The following TAFA1 variants were observed in gnomAD, a reference collection of about 807,000 sequenced individuals.
TAFA1 encodes the protein chemokine-like protein TAFA-1.
Under a neutral mutation model 18.5 loss-of-function variants are expected in TAFA1, and 4 were observed. That is an observed-to-expected ratio of 0.22 (90% CI 0.11 to 0.49). The LOEUF (loss-of-function observed/expected upper bound fraction) is 0.49, where lower values mean the gene tolerates loss of function less well. TAFA1 is among the 20% of genes least tolerant of loss of function. The pLI is 0.98. For missense variants in TAFA1, 147 were observed against 169.0 expected (o/e 0.87, Z 0.72); for synonymous variants, 56 against 55.2 (o/e 1.01, Z -0.06).
At chr3:68,479,241 A>ATATATAT (rs1553695290) in intron 3 of TAFA1, among the ~76,000 whole-genome samples, 57 of 123,660 alleles carry the variant, frequency 4.6e-4, no homozygotes, top group Middle Eastern at 4.0e-3. Flanking sequence ...AAAAAAAAAA[A>ATATATAT]ATATATATAT....
At chr3:68,516,856 C>T (rs2072928189) in intron 3 of TAFA1, among the ~76,000 whole-genome samples, 1 of 152,140 alleles carries the variant, frequency 6.6e-6, no homozygotes, top group Non-Finnish European at 1.5e-5. Flanking sequence ...TCTCTGCAAC[C>T]TCCACGTCCT....
intron 2 of TAFA1, among the ~76,000 whole-genome samples, chr3:68,412,864 T>C (rs1575844601): frequency 6.6e-6 from 1 of 152,060 alleles, no homozygotes; most frequent in African/African-American, 2.4e-5. Flanking sequence ...TATAGCAGCA[T>C]GATTTATAGT....
intron 2 of TAFA1, among the ~76,000 whole-genome samples, chr3:68,076,742 A>G (rs1260209192): frequency 6.6e-6 from 1 of 152,254 alleles, no homozygotes; most frequent in African/African-American, 2.4e-5. Flanking sequence ...AGTCTTTGCT[A>G]TTGTGAATAA....
intron 2 of TAFA1, among the ~76,000 whole-genome samples, chr3:68,269,191 C>A (rs746525944): frequency 2.0e-5 from 3 of 152,168 alleles, no homozygotes; most frequent in Non-Finnish European, 4.4e-5. Context: ...CATTGGCTCA[C>A]TCCTGTAATC....
intron 2 of TAFA1, among the ~76,000 whole-genome samples, chr3:68,255,574 A>G (rs1442728115): frequency 2.0e-5 from 3 of 152,104 alleles, no homozygotes; most frequent in African/African-American, 4.8e-5. Flanking sequence ...TGTTGTCTCT[A>G]TGTCCGTTCA....
intron 2 of TAFA1, among the ~76,000 whole-genome samples, chr3:68,410,461 C>A (rs1347540363): frequency 6.6e-6 from 1 of 151,848 alleles, no homozygotes; most frequent in Non-Finnish European, 1.5e-5. Flanking sequence ...ACAATGGGAT[C>A]CCTTATAATG....
rs148172036 is a variant in TAFA1, at chr3:68,512,825, A to G, written c.260-25931A>G. On this transcript the variant is annotated intron_variant, in intron 3 of 4. Coordinates refer to ENST00000478136, the MANE Select transcript of TAFA1 (RefSeq NM_213609.4). Reference sequence around the variant, plus strand: ...GGTGTCAGAACTCATGATCTTGATTACGTTGTTACATGAACTATTAATTTA... The same window carrying G: ...GGTGTCAGAACTCATGATCTTGATTGCGTTGTTACATGAACTATTAATTTA... Among the ~76,000 whole-genome samples, 13 of 152,262 alleles carry G rather than the reference A, an allele frequency of 8.5e-5. No homozygotes were observed. The East Asian group carries it at 2.5e-3, about 29-fold the overall frequency.
intron 2 of TAFA1, among the ~76,000 whole-genome samples, chr3:68,225,691 T>A (rs2066790144): frequency 6.6e-6 from 1 of 152,172 alleles, no homozygotes; most frequent in South Asian, 2.1e-4. Flanking sequence ...ATTATTTACT[T>A]ATTATAAAAC....
At chr3:68,285,514 T>A (rs2067982945) in intron 2 of TAFA1, among the ~76,000 whole-genome samples, 1 of 152,138 alleles carries the variant, frequency 6.6e-6, no homozygotes, top group South Asian at 2.1e-4. Flanking sequence ...ATATAGCAAC[T>A]ATATATATAG....
chr3:68,205,399 G>A (rs2066514343), intron 2 of TAFA1, among the ~76,000 whole-genome samples: 1 of 151,798 alleles, frequency 6.6e-6, no homozygotes, highest in African/African-American at 2.4e-5. Flanking sequence ...ACTACGAGGG[G>A]ATATGAGGAA....
chr3:68,438,196 A>G (rs1459795315), intron 3 of TAFA1, among the ~76,000 whole-genome samples: 1 of 152,070 alleles, frequency 6.6e-6, no homozygotes, highest in Non-Finnish European at 1.5e-5. Flanking sequence ...TGTCTCTACT[A>G]AAAATACAAA....
chr3:68,182,477 G>A (rs1375930735), intron 2 of TAFA1, among the ~76,000 whole-genome samples: 1 of 152,102 alleles, frequency 6.6e-6, no homozygotes, highest in Non-Finnish European at 1.5e-5. Flanking sequence ...ACTACTAACA[G>A]TTTAACATCC....
At chr3:68,236,345 T>C (rs993724008) in intron 2 of TAFA1, among the ~76,000 whole-genome samples, 2 of 152,340 alleles carry the variant, frequency 1.3e-5, no homozygotes, top group East Asian at 3.9e-4. Context: ...TTAAAAAATA[T>C]ATTTCCACAA....
chr3:68,241,269 G>A (rs1417571383), intron 2 of TAFA1, among the ~76,000 whole-genome samples: 3 of 152,112 alleles, frequency 2.0e-5, no homozygotes, highest in Non-Finnish European at 4.4e-5. Flanking sequence ...AATAAAGTCT[G>A]TCTCTATTGC....
chr3:68,106,566 A>G (rs576355257), intron 2 of TAFA1, among the ~76,000 whole-genome samples: 1 of 152,240 alleles, frequency 6.6e-6, no homozygotes, highest in South Asian at 2.1e-4. Context: ...GAAAAAGAAC[A>G]AACAATGAAA....
In TAFA1 at chr3:68,265,524, T is replaced by C. The variant is rs771205418; in HGVS notation, c.119-151756T>C. Among the ~76,000 whole-genome samples, 71 of 152,212 alleles carry C rather than the reference T, an allele frequency of 4.7e-4. 2 individuals are homozygous for C. Among genetic ancestry groups the C allele is most frequent in the Non-Finnish European group, 8.8e-5 (6 of 68,028 alleles). ...CATTCCTGGTGGGAATTTCTATGAA[T>C]TCTGAAGCTTCAGAAAGATGTTTTG... On this transcript the variant is annotated intron_variant, in intron 2 of 4. Coordinates refer to ENST00000478136, the MANE Select transcript of TAFA1 (RefSeq NM_213609.4).
At chr3:68,492,512 AAAG>A (rs1418540320) in intron 3 of TAFA1, among the ~76,000 whole-genome samples, 2 of 152,172 alleles carry the variant, frequency 1.3e-5, no homozygotes, top group African/African-American at 4.8e-5. Context: ...TCCATGAGTG[AAAG>A]AAGAAACCAA....
intron 2 of TAFA1, among the ~76,000 whole-genome samples, chr3:68,327,526 T>G (rs572736993): frequency 6.6e-6 from 1 of 152,310 alleles, no homozygotes; most frequent in South Asian, 2.1e-4. Context: ...AGCATGAAAC[T>G]GGTCAAAATA....
chr3:68,267,760 C>T (rs2067576991), intron 2 of TAFA1, among the ~76,000 whole-genome samples: 1 of 151,888 alleles, frequency 6.6e-6, no homozygotes, highest in African/African-American at 2.4e-5. Flanking sequence ...TCTTATATGA[C>T]TCTATGCATG....
Sources: allele counts gnomAD v4.1 joint callset (sites outside exome capture counted in the v4.1 genomes callset), GRCh38; gene constraint gnomAD v4.1.1; transcripts MANE v1.5; gene names NCBI Gene and HGNC (gene_info 2026-07-23, HGNC 2026-07-21).